The following BCAS3 variants were observed in gnomAD, a reference collection of about 807,000 sequenced individuals.
The protein encoded by BCAS3 is BCAS4/BCAS3 fusion.
Under a neutral mutation model 116.1 loss-of-function variants are expected in BCAS3, and 53 were observed. That is an observed-to-expected ratio of 0.46 (90% CI 0.37 to 0.57). The LOEUF (loss-of-function observed/expected upper bound fraction) is 0.57, where lower values mean the gene tolerates loss of function less well. Among genes scored for constraint, BCAS3 ranks in the 20% least tolerant of loss-of-function variants. The probability of loss-of-function intolerance (pLI) is 0.00; values close to 1 mark genes in which losing one functional copy is unlikely to be tolerated. For synonymous variants in BCAS3, 391 were observed against 408.2 expected, an observed-to-expected ratio of 0.96 and a Z score of 0.51; for missense variants, 917 against 1,165.4, an observed-to-expected ratio of 0.79 and a Z score of 3.10.
chr17:60,718,388 C>T (rs940272452), intron 5 of BCAS3, among the ~76,000 whole-genome samples: 2 of 152,078 alleles, frequency 1.3e-5, no homozygotes, highest in Non-Finnish European at 2.9e-5. Flanking sequence ...CATGCTTTCC[C>T]CTAACTACTT....
At chr17:61,341,023 G>A (rs894028048) in intron 22 of BCAS3, among the ~76,000 whole-genome samples, 9 of 152,218 alleles carry the variant, frequency 5.9e-5, no homozygotes, top group Non-Finnish European at 1.3e-4. Context: ...GTCAGGGCCT[G>A]AGAGGCCAGG....
At chr17:60,851,567 A>G (rs1316975110) in intron 7 of BCAS3, 1 of 620,982 alleles carries the variant, frequency 1.6e-6, no homozygotes, top group Non-Finnish European at 3.0e-6. Flanking sequence ...AATAATTTCT[A>G]CCCAAAACTT....
rs935286650 is a variant in BCAS3, at chr17:61,343,268, G to A, written c.2426-25059G>A. Reference sequence around the variant, plus strand: ...GTTTCTAAAGGTGCCATGTGGAGGAGCAGAACAAGCCCTTCAATTGTGCAC... The same window carrying A: ...GTTTCTAAAGGTGCCATGTGGAGGAACAGAACAAGCCCTTCAATTGTGCAC... On this transcript the variant is annotated intron_variant, in intron 22 of 23. Coordinates refer to ENST00000407086, the MANE Select transcript of BCAS3 (RefSeq NM_017679.5). This position sits in a 1 kb window ranked among gnomAD's most constrained non-coding sequence, Gnocchi z 5.5. 6.6e-6 allele frequency among the ~76,000 whole-genome samples: 1 copy of A among 152,244 alleles called. No individual in the cohort carries two copies. The highest frequency in any genetic ancestry group is 2.4e-5 in the African/African-American group (1 of 41,474).
At chr17:61,293,607 A>G (rs1029835930) in intron 22 of BCAS3, among the ~76,000 whole-genome samples, 1 of 152,210 alleles carries the variant, frequency 6.6e-6, no homozygotes, top group African/African-American at 2.4e-5. Flanking sequence ...AGCCATTTCT[A>G]AGACATTAAA....
At position 61,188,843 on chromosome 17, in the gene BCAS3, G is replaced by A. The variant is rs2079928782; in HGVS notation, c.2425+104279G>A. Among the ~76,000 whole-genome samples, 1 of 152,218 alleles carries A rather than the reference G, an allele frequency of 6.6e-6. No homozygotes were observed. Among genetic ancestry groups the A allele is most frequent in the Admixed American group, 6.5e-5 (1 of 15,282 alleles). On this transcript the variant is annotated intron_variant, in intron 22 of 23. Coordinates refer to ENST00000407086, the MANE Select transcript of BCAS3 (RefSeq NM_017679.5). This position sits in a 1 kb window ranked among gnomAD's most constrained non-coding sequence, Gnocchi z 4.0. Reference sequence around the variant, plus strand: ...AATGGCATACTTGCCGGGCATGGTGGCTCATGCCTATAATCCCAGCACGTT... The same window carrying A: ...AATGGCATACTTGCCGGGCATGGTGACTCATGCCTATAATCCCAGCACGTT...
intron 14 of BCAS3, among the ~76,000 whole-genome samples, chr17:60,951,808 C>T (rs1433421171): frequency 8.1e-6 from 1 of 123,848 alleles, no homozygotes; most frequent in Non-Finnish European, 1.6e-5. Flanking sequence ...GAGTCTCTAT[C>T]GCTCAGGCTG....
chr17:61,034,240 G>A lies in BCAS3; in HGVS notation c.1638-426G>A, dbSNP rs890282600. Among the ~76,000 whole-genome samples, 1 of 152,144 alleles carries A rather than the reference G, an allele frequency of 6.6e-6. No homozygotes were observed. The highest frequency in any genetic ancestry group is 2.4e-5 in the African/African-American group (1 of 41,406). On this transcript the variant is annotated intron_variant, in intron 16 of 23. Coordinates refer to ENST00000407086, the MANE Select transcript of BCAS3 (RefSeq NM_017679.5). The surrounding 1 kb of genome is among the most constrained non-coding windows in gnomAD (Gnocchi z 5.0). Reference sequence around the variant, plus strand: ...TTAATCCCACATCTTATAGATTGGTGCAAAGGCAGTGGCAAAAACCACAAT... The same window carrying A: ...TTAATCCCACATCTTATAGATTGGTACAAAGGCAGTGGCAAAAACCACAAT...
chr17:60,731,039 C>T (rs1189712871), intron 5 of BCAS3, among the ~76,000 whole-genome samples: 11 of 151,938 alleles, frequency 7.2e-5, no homozygotes, highest in African/African-American at 1.5e-4. Flanking sequence ...TTCTCCTTTA[C>T]GTTTTTACAA....
At chr17:61,125,613 T>C (rs2076010591) in intron 22 of BCAS3, among the ~76,000 whole-genome samples, 1 of 152,206 alleles carries the variant, frequency 6.6e-6, no homozygotes, top group East Asian at 1.9e-4. Context: ...ATGAAATGTT[T>C]GTGATTGCAA....
chr17:61,380,083 G>A lies in BCAS3; in HGVS notation c.2593+11589G>A, dbSNP rs1340483164. On this transcript the variant is annotated intron_variant, in intron 23 of 23. Coordinates refer to ENST00000407086, the MANE Select transcript of BCAS3 (RefSeq NM_017679.5). This position sits in a 1 kb window ranked among gnomAD's most constrained non-coding sequence, Gnocchi z 4.2. ...TCCTGTGGTTAGTGCCCTTGAGCTG[G>A]TCTTTGTGACCTTTCTCTAAGCAGC... 5.3e-6 allele frequency: 1 copy of A among 189,102 alleles called. No homozygotes were observed. Among genetic ancestry groups the A allele is most frequent in the African/African-American group, 2.3e-5 (1 of 42,598 alleles). 11.7% of individuals were successfully genotyped at this position (189,102 alleles called of 1,614,324 possible). A position where few individuals can be genotyped will look rare whatever the true frequency, so the allele number is the denominator to read the frequency against.
intron 7 of BCAS3, among the ~76,000 whole-genome samples, chr17:60,859,769 A>G (rs1422693105): frequency 1.3e-5 from 2 of 152,032 alleles, no homozygotes; most frequent in African/African-American, 4.8e-5. Context: ...GGGTTTCACC[A>G]TGTTGGCCAA....
chr17:61,389,045 G>A (rs2059998678), intron 23 of BCAS3: 2 of 303,584 alleles, frequency 6.6e-6, no homozygotes, highest in Non-Finnish European at 1.2e-5. Flanking sequence ...CAGGCCACTA[G>A]GGATACAGAG....
At chr17:61,129,457 T>G (rs1216712281) in intron 22 of BCAS3, among the ~76,000 whole-genome samples, 1 of 152,240 alleles carries the variant, frequency 6.6e-6, no homozygotes, top group African/African-American at 2.4e-5. Flanking sequence ...AAGGTTGTAC[T>G]TTTGTAAGAT....
intron 22 of BCAS3, among the ~76,000 whole-genome samples, chr17:61,273,938 ATTTAT>A (rs762257525): frequency 1.3e-5 from 2 of 148,822 alleles, no homozygotes; most frequent in African/African-American, 2.5e-5. Context: ...CACTGGCTTA[ATTTAT>A]TTTATTTTAT....
At position 61,159,987 on chromosome 17, in the gene BCAS3, A is replaced by G. The variant is rs556241456; in HGVS notation, c.2425+75423A>G. Among the ~76,000 whole-genome samples, 18 of 93,566 alleles carry G rather than the reference A, an allele frequency of 1.9e-4. No individual in the cohort carries two copies. The East Asian group carries it at 5.0e-3, about 26-fold the overall frequency. The allele number at this position is 93,566 out of a possible 152,430, so 61.4% of individuals were successfully genotyped here. A position where few individuals can be genotyped will look rare whatever the true frequency, so the allele number is the denominator to read the frequency against. ...GTAAAAGAAAAAATATGTGGTTGGC[A>G]TCTTTGATTTTTTTTTTTTTGTAGT... On this transcript the variant is annotated intron_variant, in intron 22 of 23. Coordinates refer to ENST00000407086, the MANE Select transcript of BCAS3 (RefSeq NM_017679.5).
intron 7 of BCAS3, among the ~76,000 whole-genome samples, chr17:60,827,803 C>G (rs141606232): frequency 3.3e-5 from 5 of 152,218 alleles, no homozygotes; most frequent in Non-Finnish European, 7.4e-5. Context: ...GCAGTGCCAT[C>G]TTCACTTTGT....
In BCAS3 at chr17:61,134,583, G is replaced by T. The variant is rs1406553854; in HGVS notation, c.2425+50019G>T. On this transcript the variant is annotated intron_variant, in intron 22 of 23. Coordinates refer to ENST00000407086, the MANE Select transcript of BCAS3 (RefSeq NM_017679.5). The surrounding 1 kb of genome is among the most constrained non-coding windows in gnomAD (Gnocchi z 4.6). ...TTATAGGAAAGTATTTTAAAGTCGA[G>T]AGAACTGTGTTATGGTGGGACATTT... 6.6e-6 allele frequency among the ~76,000 whole-genome samples: 1 copy of T among 152,204 alleles called. No individual in the cohort carries two copies. The highest frequency in any genetic ancestry group is 1.9e-4 in the East Asian group (1 of 5,200).
chr17:61,065,793 C>T lies in BCAS3; in HGVS notation c.2030-9127C>T, dbSNP rs2070551182. 6.6e-6 allele frequency among the ~76,000 whole-genome samples: 1 copy of T among 152,072 alleles called. No homozygotes were observed. Among genetic ancestry groups the T allele is most frequent in the South Asian group, 2.1e-4 (1 of 4,822 alleles). On this transcript the variant is annotated intron_variant, in intron 19 of 23. Coordinates refer to ENST00000407086, the MANE Select transcript of BCAS3 (RefSeq NM_017679.5). This position sits in a 1 kb window ranked among gnomAD's most constrained non-coding sequence, Gnocchi z 4.8. ...TATAAAACTCAGCTGCCAGTAGGACCCAGTAAACTCACTTGTCCAGATAAG... is the reference window on the plus strand; with the variant it reads ...TATAAAACTCAGCTGCCAGTAGGACTCAGTAAACTCACTTGTCCAGATAAG...
intron 4 of BCAS3, among the ~76,000 whole-genome samples, chr17:60,708,045 C>T (rs73334309): frequency 0.066 from 10,100 of 151,994 alleles, 1,113 homozygotes; most frequent in African/African-American, 0.23. Context: ...TGTGTAAGGC[C>T]GGAAGTGATG....
Sources: allele counts gnomAD v4.1 joint callset (sites outside exome capture counted in the v4.1 genomes callset), GRCh38; gene constraint gnomAD v4.1.1; non-coding constraint Gnocchi (gnomAD v3.1); transcripts MANE v1.5; gene names NCBI Gene and HGNC (gene_info 2026-07-23, HGNC 2026-07-21).